The following MICAL2 variants were observed in gnomAD, a reference collection of about 807,000 sequenced individuals.
MICAL2 encodes microtubule associated monooxygenase, calponin and LIM domain containing 2.
Under a neutral mutation model 127.3 loss-of-function variants are expected in MICAL2, and 77 were observed. The observed-to-expected ratio is 0.60, with a 90% confidence interval of 0.50 to 0.73. The LOEUF (loss-of-function observed/expected upper bound fraction) is 0.73. Among genes scored for constraint, MICAL2 ranks in the 30% least tolerant of loss-of-function variants. The pLI is 0.00. For missense variants in MICAL2, 1,351 were observed against 1,434.4 expected, an observed-to-expected ratio of 0.94 and a Z score of 0.94; for synonymous variants, 570 against 551.1, an observed-to-expected ratio of 1.03 and a Z score of -0.48.
At chr11:12,200,665 ATC>A (rs1860591141) in intron 3 of MICAL2, among the ~76,000 whole-genome samples, 2 of 152,230 alleles carry the variant, frequency 1.3e-5, no homozygotes, top group Non-Finnish European at 2.9e-5. Context: ...TATGACTGGC[ATC>A]TCTGAAATTT....
chr11:12,292,588 A>G (rs1863919176), downstream of MICAL2, among the ~76,000 whole-genome samples: 1 of 152,166 alleles, frequency 6.6e-6, no homozygotes, highest in African/African-American at 2.4e-5. Flanking sequence ...AGCTGCTAGG[A>G]CACCTTTCCC....
chr11:12,157,366 T>A (rs990463695), intron 2 of MICAL2, among the ~76,000 whole-genome samples: 11 of 152,162 alleles, frequency 7.2e-5, no homozygotes, highest in Admixed American at 7.2e-4. Context: ...CCATTACCAA[T>A]GCTGTTGCCT....
In MICAL2 at chr11:12,346,109, A is replaced by C. The variant is rs75197918; in HGVS notation, c.5516-3729A>C. Among the ~76,000 whole-genome samples, 816 of 152,338 alleles carry C rather than the reference A, an allele frequency of 5.4e-3. 7 individuals carry two copies. The highest frequency in any genetic ancestry group is 0.018 in the African/African-American group (769 of 41,576). On this transcript the variant is annotated intron_variant, in intron 32 of 34. Coordinates refer to the MICAL2 transcript ENST00000646065. ...GAAAGAAGTTTTCAGGACTTAAAGTACACAGCCCTGCAGTGGGCTTCCTGG... is the reference window on the plus strand; with the variant it reads ...GAAAGAAGTTTTCAGGACTTAAAGTCCACAGCCCTGCAGTGGGCTTCCTGG...
At chr11:12,159,368 T>G (rs1854530423) in intron 2 of MICAL2, among the ~76,000 whole-genome samples, 1 of 152,206 alleles carries the variant, frequency 6.6e-6, no homozygotes, top group Non-Finnish European at 1.5e-5. Flanking sequence ...CAAGACTATT[T>G]TCTAAACTGG....
intron 8 of MICAL2, among the ~76,000 whole-genome samples, chr11:12,219,324 A>T (rs1856544442): frequency 6.6e-6 from 1 of 152,018 alleles, no homozygotes; most frequent in Non-Finnish European, 1.5e-5. Context: ...TTTCATTGCT[A>T]GTGTCCCTCC....
intron 3 of MICAL2, among the ~76,000 whole-genome samples, chr11:12,181,460 ATTTAT>A (rs1857473398): frequency 6.6e-6 from 1 of 152,180 alleles, no homozygotes. Flanking sequence ...TCAATGTCTA[ATTTAT>A]TTTGTTTTGT....
chr11:12,162,272 G>C lies in MICAL2; in HGVS notation c.117G>C (p.Leu39=), dbSNP rs73414225. The change falls in exon 3 of 28, where the codon CTG becomes CTC. Residue 39 remains leucine, a synonymous_variant. Transcript: ENST00000683283. ...LQAFNILTRH[L]DLDPLDHRNF... ...CCTTCAACATTCTCACACGACACCT[G>C]GACCTAGACCCTCTGGACCACAGAA... The C allele has an allele frequency of 6.0e-5, 97 of 1,614,224 alleles. No homozygotes were observed. In the African/African-American group the frequency reaches 1.2e-3, roughly 20 times the overall value.
intron 2 of MICAL2, among the ~76,000 whole-genome samples, chr11:12,284,176 AC>A (rs1460209937): frequency 6.6e-6 from 1 of 152,200 alleles, no homozygotes; most frequent in Non-Finnish European, 1.5e-5. Context: ...TAGGAGAACA[AC>A]CTGCCCCGAA....
intron 29 of MICAL2, among the ~76,000 whole-genome samples, chr11:12,315,213 T>C (rs1490739471): frequency 6.6e-6 from 1 of 152,212 alleles, no homozygotes; most frequent in East Asian, 1.9e-4. Flanking sequence ...CAATTGTCAG[T>C]CTTATTTTTA....
At chr11:12,257,293 ACC>A in intron 24 of MICAL2, 1 of 267,084 alleles carries the variant, frequency 3.7e-6, no homozygotes, top group East Asian at 6.7e-5. Context: ...AGAAAATCCA[ACC>A]TGATACTCTC....
chr11:12,360,326 T>C (rs1390604443), downstream of MICAL2, among the ~76,000 whole-genome samples: 2 of 152,268 alleles, frequency 1.3e-5, no homozygotes, highest in Admixed American at 6.5e-5. Context: ...GAAGACCTAT[T>C]AGCACTAAGA....
At chr11:12,169,447 A>G (rs1289580478) in intron 3 of MICAL2, among the ~76,000 whole-genome samples, 1 of 152,072 alleles carries the variant, frequency 6.6e-6, no homozygotes, top group Non-Finnish European at 1.5e-5. Context: ...GTGCAGTGGC[A>G]TGATCTCAGC....
At chr11:12,240,924 T>C in intron 17 of MICAL2, 116 bp from the exon 18 acceptor site, 2 of 1,376,676 alleles carry the variant, frequency 1.5e-6, no homozygotes, top group South Asian at 1.4e-5. Context: ...CCTCTGCACT[T>C]GCAACCTTCG....
intron 30 of MICAL2, chr11:12,319,950 CTT>C (rs1306961449): frequency 3.3e-6 from 2 of 610,952 alleles, no homozygotes; most frequent in African/African-American, 3.7e-5. Flanking sequence ...AGAGTGCTCT[CTT>C]TACCTTGAAC....
intron 7 of MICAL2, 130 bp from the exon 8 acceptor site, chr11:12,216,089 C>T (rs958715037): frequency 1.2e-5 from 8 of 678,732 alleles, no homozygotes; most frequent in Non-Finnish European, 1.8e-5. Context: ...CCTTGTGTGC[C>T]TTAAAAACTG....
At chr11:12,313,826 T>A (rs1333434229) in intron 29 of MICAL2, among the ~76,000 whole-genome samples, 1 of 152,134 alleles carries the variant, frequency 6.6e-6, no homozygotes, top group Non-Finnish European at 1.5e-5. Context: ...AAGTTTTTGC[T>A]TTATATAGTT....
At chr11:12,294,693 G>A (rs2134790714), downstream of MICAL2, 1 of 1,614,162 alleles carries the variant, frequency 6.2e-7, no homozygotes, top group African/African-American at 1.3e-5. Flanking sequence ...AAGGACATCA[G>A]GGACCTCTTT....
chr11:12,227,987 G>C (rs1857696305), intron 15 of MICAL2, among the ~76,000 whole-genome samples: 1 of 152,186 alleles, frequency 6.6e-6, no homozygotes, highest in Admixed American at 6.5e-5. Context: ...ACATCTCTGT[G>C]GGAGGCATAA....
intron 32 of MICAL2, among the ~76,000 whole-genome samples, chr11:12,330,825 GAGAC>G (rs1312469157): frequency 1.6e-5 from 2 of 123,726 alleles, no homozygotes; most frequent in Non-Finnish European, 3.9e-5. Flanking sequence ...GAGAGAGGGA[GAGAC>G]AGACAGAGAG....
Sources: allele counts gnomAD v4.1 joint callset (sites outside exome capture counted in the v4.1 genomes callset), GRCh38; gene constraint gnomAD v4.1.1; transcripts MANE v1.5; gene names NCBI Gene and HGNC (gene_info 2026-07-23, HGNC 2026-07-21).